AP5M1: variants seen among roughly 807,000 people sequenced by gnomAD.
AP5M1 encodes the protein adaptor related protein complex 5 subunit mu 1, also known as AP-5 complex subunit mu-1.
A neutral mutation model predicts 52.3 loss-of-function variants in AP5M1; 44 were observed. The ratio of observed to expected loss-of-function variants is 0.84; its 90% confidence interval spans 0.66 to 1.08. The LOEUF (loss-of-function observed/expected upper bound fraction) is 1.08. AP5M1 is among the 50% of genes least tolerant of loss of function. AP5M1 has a pLI of 0.00. For synonymous variants in AP5M1, 213 were observed against 199.0 expected (o/e 1.07, Z -0.59); for missense variants, 526 against 568.4 (o/e 0.93, Z 0.76).
At chr14:57,283,437 A>G (rs887105966) in intron 6 of AP5M1, among the ~76,000 whole-genome samples, 12 of 152,146 alleles carry the variant, frequency 7.9e-5, no homozygotes. Context: ...TGAACATTTT[A>G]AAAAGCCAGG....
At position 57,282,224 on chromosome 14, in the gene AP5M1, A is replaced by G; in HGVS notation, c.1084A>G (p.Asn362Asp). 1 of 1,521,692 alleles carries G rather than the reference A, an allele frequency of 6.6e-7. No individual in the cohort carries two copies. The highest frequency in any genetic ancestry group is 2.5e-5 in the East Asian group (1 of 39,982). 94.3% of individuals were successfully genotyped at this position (1,521,692 alleles called of 1,614,324 possible). A position where few individuals can be genotyped will look rare whatever the true frequency, so the allele number is the denominator to read the frequency against. The change falls in exon 4 of 8, where the codon AAT (asparagine) becomes GAT (aspartate). Residue 362 changes from asparagine to aspartate, a missense_variant. Asn to Asp is a conservative substitution (Grantham distance 23). Coordinates refer to ENST00000261558, the MANE Select transcript of AP5M1 (RefSeq NM_018229.4). ...EFCEAHIPFY[N>D]RGPITHLEYK... ...CTGTGAAGCCCATATACCTTTTTAC[A>G]ATAGGTAGGAATAAAATGCATATTG...
intron 2 of AP5M1, chr14:57,275,276 A>C: frequency 3.5e-6 from 1 of 289,462 alleles, no homozygotes; most frequent in South Asian, 3.2e-5. Flanking sequence ...TCACATGGCT[A>C]ACAAGTTGGT....
intron 2 of AP5M1, among the ~76,000 whole-genome samples, chr14:57,276,744 G>A (rs1332414779): frequency 6.6e-6 from 1 of 151,872 alleles, no homozygotes; most frequent in Non-Finnish European, 1.5e-5. Flanking sequence ...GAGAATTTCA[G>A]ATTGGTTCCT....
intron 1 of AP5M1, among the ~76,000 whole-genome samples, chr14:57,272,275 G>T (rs764850370): frequency 6.6e-6 from 1 of 152,088 alleles, no homozygotes; most frequent in African/African-American, 2.4e-5. Flanking sequence ...CTAACCTCTT[G>T]GGGGAGGTGT....
chr14:57,290,010 A>C lies in AP5M1; in HGVS notation c.*1126A>C, dbSNP rs1358451435. 1 of 151,900 alleles carries C rather than the reference A, an allele frequency of 6.6e-6. No individual in the cohort carries two copies. The highest frequency in any genetic ancestry group is 1.5e-5 in the Non-Finnish European group (1 of 67,914). The allele number at this position is 151,900 out of a possible 1,614,324, so 9.4% of individuals were successfully genotyped here. On this transcript the variant is annotated 3_prime_UTR_variant, in exon 8 of 8. Transcript: ENST00000261558. ...AAAGATGAAATCTCACGAACCTCAAAACTTCATTCATGTCTTTTTACAAAT... is the reference window on the plus strand; with the variant it reads ...AAAGATGAAATCTCACGAACCTCAACACTTCATTCATGTCTTTTTACAAAT...
In AP5M1 at chr14:57,283,249, C is replaced by T. The variant is rs1885229080; in HGVS notation, c.1293+19C>T. On this transcript the variant is annotated intron_variant, in intron 6 of 7. Coordinates refer to ENST00000261558, the MANE Select transcript of AP5M1 (RefSeq NM_018229.4). ...TTTAAAGGTAAACATATTTATACAG[C>T]TCACTACAGTAGCACCCTTCCTTTG... The T allele has an allele frequency of 7.2e-7, 1 of 1,395,572 alleles. No individual in the cohort carries two copies. The highest frequency in any genetic ancestry group is 1.0e-6 in the Non-Finnish European group (1 of 990,652). 86.4% of individuals were successfully genotyped at this position (1,395,572 alleles called of 1,614,324 possible). A position where few individuals can be genotyped will look rare whatever the true frequency, so the allele number is the denominator to read the frequency against.
In AP5M1 at chr14:57,291,126, A is replaced by G. The variant is rs1423348222; in HGVS notation, c.*2242A>G. The G allele has an allele frequency of 6.6e-6, 1 of 151,944 alleles. No homozygotes were observed. Among genetic ancestry groups the G allele is most frequent in the Non-Finnish European group, 1.5e-5 (1 of 67,900 alleles). 9.4% of individuals were successfully genotyped at this position (151,944 alleles called of 1,614,324 possible). A position where few individuals can be genotyped will look rare whatever the true frequency, so the allele number is the denominator to read the frequency against. ...AGTCCTTTCTTGGGTTAAAACTTCAATCATTTTCTAAAAAATTATCTCACT... is the reference window on the plus strand; with the variant it reads ...AGTCCTTTCTTGGGTTAAAACTTCAGTCATTTTCTAAAAAATTATCTCACT... On this transcript the variant is annotated 3_prime_UTR_variant, in exon 8 of 8. Coordinates refer to ENST00000261558, the MANE Select transcript of AP5M1 (RefSeq NM_018229.4).
At chr14:57,285,823 G>A (rs1453569840) in intron 6 of AP5M1, among the ~76,000 whole-genome samples, 1 of 152,146 alleles carries the variant, frequency 6.6e-6, no homozygotes, top group Non-Finnish European at 1.5e-5. Flanking sequence ...GTAGCACGGG[G>A]GAGACAGCAC....
chr14:57,269,890 G>C (rs1884838468), intron 1 of AP5M1, among the ~76,000 whole-genome samples: 1 of 152,124 alleles, frequency 6.6e-6, no homozygotes, highest in Non-Finnish European at 1.5e-5. Flanking sequence ...CTCACTGCAA[G>C]CTCCGCCTCC....
chr14:57,273,772 T>C (rs1884949616), intron 1 of AP5M1: 1 of 700,392 alleles, frequency 1.4e-6, no homozygotes, highest in East Asian at 2.7e-5. Flanking sequence ...AGAACATTCC[T>C]TTTAAAATTG....
intron 1 of AP5M1, among the ~76,000 whole-genome samples, chr14:57,270,371 C>A (rs942719573): frequency 6.6e-6 from 1 of 152,084 alleles, no homozygotes; most frequent in Non-Finnish European, 1.5e-5. Context: ...ATTGATAGTT[C>A]TTTTTTGTCA....
In AP5M1 at chr14:57,292,429, A is replaced by G. The variant is rs1446139869; in HGVS notation, c.*3545A>G. On this transcript the variant is annotated 3_prime_UTR_variant, in exon 8 of 8. Coordinates refer to ENST00000261558, the MANE Select transcript of AP5M1 (RefSeq NM_018229.4). ...GTGCGTTTATTCTCTATAACCTTTT[A>G]AAGCAAGGGCCAAGAATGCAATTTA... 6.6e-6 allele frequency: 1 copy of G among 151,846 alleles called. No homozygotes were observed. The highest frequency in any genetic ancestry group is 1.5e-5 in the Non-Finnish European group (1 of 67,824). 9.4% of individuals were successfully genotyped at this position (151,846 alleles called of 1,614,324 possible).
intron 3 of AP5M1, among the ~76,000 whole-genome samples, chr14:57,281,249 C>G (rs2139692102): frequency 6.6e-6 from 1 of 152,236 alleles, no homozygotes; most frequent in African/African-American, 2.4e-5. Flanking sequence ...TGCACCACGT[C>G]TATAGTTGAT....
rs551406878 is a variant in AP5M1, at chr14:57,280,427, C to G, written c.948+5C>G. 1.9e-6 allele frequency: 3 copies of G among 1,573,722 alleles called. No homozygotes were observed. The highest frequency in any genetic ancestry group is 3.3e-5 in the Admixed American group (2 of 59,944). ...TTATGCTTCTACACTTCCCAGGTAA[C>G]AACCCTAGAATAGTTGAGAGTTTGC... On this transcript the variant is annotated splice_donor_5th_base_variant and intron_variant, in intron 3 of 7. Transcript: ENST00000261558.
At chr14:57,282,833 A>T in intron 4 of AP5M1, 101 bp from the exon 5 acceptor site, 2 of 668,126 alleles carry the variant, frequency 3.0e-6, no homozygotes, top group Non-Finnish European at 5.1e-6. Context: ...ATCTGCTTTT[A>T]TGCTGTCCTT....
chr14:57,281,075 A>C (rs1181557114), intron 3 of AP5M1, among the ~76,000 whole-genome samples: 1 of 152,152 alleles, frequency 6.6e-6, no homozygotes, highest in African/African-American at 2.4e-5. Context: ...ATATATTATT[A>C]TTAATAGCTA....
rs1296678615 is a variant in AP5M1, at chr14:57,291,096, C to CT, written c.*2213dup. 1.3e-5 allele frequency: 2 copies of CT among 152,034 alleles called. No homozygotes were observed. The highest frequency in any genetic ancestry group is 3.9e-4 in the East Asian group (2 of 5,164). The allele number at this position is 152,034 out of a possible 1,614,324, so 9.4% of individuals were successfully genotyped here. A position where few individuals can be genotyped will look rare whatever the true frequency, so the allele number is the denominator to read the frequency against. On this transcript the variant is annotated 3_prime_UTR_variant, in exon 8 of 8. Transcript: ENST00000261558. ...TTCTTATTCTAAGCTATAAGACACT[C>CT]TAAGAGTCCTTTCTTGGGTTAAAAC...
At chr14:57,286,076 C>A (rs1458250187) in intron 6 of AP5M1, 147 bp from the exon 7 acceptor site, 1 of 608,784 alleles carries the variant, frequency 1.6e-6, no homozygotes, top group Non-Finnish European at 2.9e-6. Flanking sequence ...TGTGTGCGCA[C>A]ACACACAATT....
intron 1 of AP5M1, 123 bp downstream of exon 1, chr14:57,269,511 A>G: frequency 1.2e-6 from 1 of 845,630 alleles, no homozygotes; most frequent in Non-Finnish European, 2.0e-6. Flanking sequence ...CTAGCCAGTT[A>G]ACAGACCTCT....
Sources: allele counts gnomAD v4.1 joint callset (sites outside exome capture counted in the v4.1 genomes callset), GRCh38; gene constraint gnomAD v4.1.1; transcripts MANE v1.5; gene names NCBI Gene and HGNC (gene_info 2026-07-23, HGNC 2026-07-21).